The following CBFA2T3 variants were observed in gnomAD, a reference collection of about 807,000 sequenced individuals.
CBFA2T3 encodes transcriptional corepressor CBFA2T3.
A neutral mutation model predicts 58.6 loss-of-function variants in CBFA2T3; 31 were observed. The observed-to-expected ratio is 0.53, with a 90% confidence interval of 0.40 to 0.71. The LOEUF is 0.71. Ranked by LOEUF, CBFA2T3 falls within the 30% of genes least tolerant of loss-of-function variation. CBFA2T3 has a pLI of 0.00. For synonymous variants in CBFA2T3, 531 were observed against 421.9 expected, an observed-to-expected ratio of 1.26 and a Z score of -3.17; for missense variants, 1,076 against 963.1, an observed-to-expected ratio of 1.12 and a Z score of -1.55.
At chr16:88,884,218 G>A (rs1047122699) in intron 7 of CBFA2T3, 1 of 152,256 alleles carries the variant, frequency 6.6e-6, no homozygotes, top group African/African-American at 2.4e-5. Context: ...CCCTCCGCAA[G>A]GTGGGGGCTG....
chr16:88,967,867 C>T (rs533021919), intron 1 of CBFA2T3, among the ~76,000 whole-genome samples: 24 of 152,312 alleles, frequency 1.6e-4, no homozygotes, highest in East Asian at 9.7e-4. Flanking sequence ...CGGGGGTCGG[C>T]GTGAGCTGTG....
At chr16:88,905,975 C>T (rs1341355827) in intron 1 of CBFA2T3, among the ~76,000 whole-genome samples, 1 of 151,730 alleles carries the variant, frequency 6.6e-6, no homozygotes, top group Non-Finnish European at 1.5e-5. Flanking sequence ...AGGCTGAGTC[C>T]TGCCGGCCTG....
At chr16:88,925,268 C>T (rs1344840454) in intron 1 of CBFA2T3, among the ~76,000 whole-genome samples, 3 of 152,176 alleles carry the variant, frequency 2.0e-5, no homozygotes, top group Admixed American at 6.5e-5. Flanking sequence ...ACGGTGCAGC[C>T]GCAGCCGTGG....
Position 88,941,185 on chromosome 16 carries a change from C to T in CBFA2T3, c.151+35472G>A, listed in dbSNP as rs1971714347. The T allele has an allele frequency of 5.1e-6, 5 of 982,342 alleles. No individual in the cohort carries two copies. In the East Asian group the frequency reaches 3.4e-4, roughly 68 times the overall value. 60.9% of individuals were successfully genotyped at this position (982,342 alleles called of 1,614,324 possible). A position where few individuals can be genotyped will look rare whatever the true frequency, so the allele number is the denominator to read the frequency against. Reference sequence around the variant, plus strand: ...GCTCAGGCGCGCGGCGGGGCTGGGGCGCGCGGGGCGGCCGCCTGGGCCATG... The same window carrying T: ...GCTCAGGCGCGCGGCGGGGCTGGGGTGCGCGGGGCGGCCGCCTGGGCCATG... On this transcript the variant is annotated intron_variant, in intron 1 of 11. Transcript: ENST00000268679.
chr16:88,921,503 G>A (rs906144374), intron 1 of CBFA2T3, among the ~76,000 whole-genome samples: 3 of 152,002 alleles, frequency 2.0e-5, no homozygotes, highest in African/African-American at 7.3e-5. Flanking sequence ...CCCTCTTCCC[G>A]GGATCTCCCT....
intron 1 of CBFA2T3, among the ~76,000 whole-genome samples, chr16:88,956,253 T>G (rs1293990118): frequency 6.6e-6 from 1 of 152,266 alleles, no homozygotes; most frequent in Non-Finnish European, 1.5e-5. Flanking sequence ...TTATCACGCG[T>G]GTGACGGAGG....
chr16:88,952,085 G>C (rs562468261), intron 1 of CBFA2T3, among the ~76,000 whole-genome samples: 2 of 152,352 alleles, frequency 1.3e-5, no homozygotes, highest in East Asian at 3.9e-4. Flanking sequence ...ATCTAAGCCG[G>C]AAGCTGCTCT....
At chr16:88,881,955 G>T (rs1215075259) in intron 8 of CBFA2T3, among the ~76,000 whole-genome samples, 1 of 152,244 alleles carries the variant, frequency 6.6e-6, no homozygotes, top group Non-Finnish European at 1.5e-5. Context: ...AACACGTCCT[G>T]CCTCAAAGAG....
rs931944637 is a variant in CBFA2T3 at position 88,875,580 on chromosome 16, G to A, written c.*1396C>T. 4.3e-6 allele frequency: 1 copy of A among 233,576 alleles called. No individual in the cohort carries two copies. The highest frequency in any genetic ancestry group is 6.0e-5 in the East Asian group (1 of 16,586). The allele number at this position is 233,576 out of a possible 1,614,324, so 14.5% of individuals were successfully genotyped here. On this transcript the variant is annotated 3_prime_UTR_variant, in exon 12 of 12. Coordinates refer to ENST00000268679, the MANE Select transcript of CBFA2T3 (RefSeq NM_005187.6). ...TGCGGTGGGGCGATGGGGCCGAGAGGTTGGAGTTGGGGCGATGGGGCTGAG... is the reference window on the plus strand; with the variant it reads ...TGCGGTGGGGCGATGGGGCCGAGAGATTGGAGTTGGGGCGATGGGGCTGAG...
intron 1 of CBFA2T3, among the ~76,000 whole-genome samples, chr16:88,914,316 C>G (rs1040064492): frequency 1.3e-5 from 2 of 152,166 alleles, no homozygotes; most frequent in Admixed American, 6.5e-5. Flanking sequence ...GGGGACAGGT[C>G]GGAAAACGTT....
At chr16:88,898,187 G>A (rs2142621682) in intron 2 of CBFA2T3, 35 bp from the exon 3 acceptor site, 2 of 1,538,034 alleles carry the variant, frequency 1.3e-6, no homozygotes, top group Non-Finnish European at 1.8e-6. Context: ...GCTGTCAGGA[G>A]GGGCGTGGGC....
chr16:88,912,479 T>G (rs1346936541), intron 1 of CBFA2T3, among the ~76,000 whole-genome samples: 2 of 152,180 alleles, frequency 1.3e-5, no homozygotes, highest in African/African-American at 2.4e-5. Flanking sequence ...AGCCGTCTCC[T>G]CATCATTCAG....
chr16:88,975,128 G>A (rs916559689), intron 1 of CBFA2T3, among the ~76,000 whole-genome samples: 3 of 146,104 alleles, frequency 2.1e-5, no homozygotes, highest in Non-Finnish European at 4.4e-5. Flanking sequence ...CTGGCCCTCT[G>A]CTCCTGACCT....
At chr16:88,894,596 G>A (rs1053768404) in intron 3 of CBFA2T3, among the ~76,000 whole-genome samples, 2 of 143,912 alleles carry the variant, frequency 1.4e-5, no homozygotes, top group Non-Finnish European at 3.0e-5. Context: ...ATATACACAT[G>A]CACACAATGT....
In CBFA2T3 at chr16:88,917,791, G is replaced by A. The variant is rs554026547; in HGVS notation, c.152-16135C>T. Among the ~76,000 whole-genome samples the A allele has an allele frequency of 3.6e-4, 55 of 152,290 alleles. 1 individual carries two copies. Among genetic ancestry groups the A allele is most frequent in the African/African-American group, 1.3e-3 (54 of 41,534 alleles). ...TAAGTGTGACATGTGATGTGCGCAC[G>A]TATGACACACACATGCAGACGAGAG... On this transcript the variant is annotated intron_variant, in intron 1 of 11. Transcript: ENST00000268679.
chr16:88,906,614 G>A (rs1015774358), intron 1 of CBFA2T3, among the ~76,000 whole-genome samples: 4 of 152,254 alleles, frequency 2.6e-5, no homozygotes, highest in Non-Finnish European at 5.9e-5. Flanking sequence ...TCTCAAGGCA[G>A]AATAGAGAAG....
chr16:88,896,073 C>CTCCA (rs1277137031), intron 3 of CBFA2T3, among the ~76,000 whole-genome samples: 1 of 152,182 alleles, frequency 6.6e-6, no homozygotes, highest in East Asian at 1.9e-4. Flanking sequence ...CCCAGGGTTG[C>CTCCA]TCCATCCTGA....
chr16:88,935,579 G>T (rs1051128601), intron 1 of CBFA2T3, among the ~76,000 whole-genome samples: 10 of 152,212 alleles, frequency 6.6e-5, no homozygotes, highest in African/African-American at 2.2e-4. Context: ...GGCTGTCCTC[G>T]CGTGGGTGGA....
At position 88,977,028 on chromosome 16, in the gene CBFA2T3, G is replaced by C. The variant is rs554368665; in HGVS notation, c.-221C>G. ...GTGGGAGCCCTGGGGCTCATGTGAC[G>C]CGGGGCGGGCCTGGGGCTGCAGGCT... On this transcript the variant is annotated 5_prime_UTR_variant, in exon 1 of 12. Coordinates refer to ENST00000268679, the MANE Select transcript of CBFA2T3 (RefSeq NM_005187.6). 2.1e-6 allele frequency: 1 copy of C among 485,464 alleles called. No individual in the cohort carries two copies. Among genetic ancestry groups the C allele is most frequent in the Admixed American group, 3.3e-5 (1 of 30,562 alleles). 30.1% of individuals were successfully genotyped at this position (485,464 alleles called of 1,614,324 possible). A position where few individuals can be genotyped will look rare whatever the true frequency, so the allele number is the denominator to read the frequency against.
Sources: allele counts gnomAD v4.1 joint callset (sites outside exome capture counted in the v4.1 genomes callset), GRCh38; gene constraint gnomAD v4.1.1; transcripts MANE v1.5; gene names NCBI Gene and HGNC (gene_info 2026-07-23, HGNC 2026-07-21).